MED12L: variants seen among roughly 807,000 people sequenced by gnomAD.
MED12L encodes the protein mediator of RNA polymerase II transcription subunit 12-like protein.
A neutral mutation model predicts 281.3 loss-of-function variants in MED12L; 60 were observed. The ratio of observed to expected loss-of-function variants is 0.21; its 90% confidence interval spans 0.17 to 0.26. The LOEUF is 0.26. MED12L is among the 10% of genes least tolerant of loss of function. The pLI, the probability that MED12L is intolerant of heterozygous loss-of-function variation, is 1.00. For synonymous variants in MED12L, 974 were observed against 987.2 expected, an observed-to-expected ratio of 0.99 and a Z score of 0.25; for missense variants, 2,146 against 2,680.9, an observed-to-expected ratio of 0.80 and a Z score of 4.41.
intron 6 of MED12L, 94 bp from the exon 7 acceptor site, chr3:151,158,595 A>G: frequency 2.8e-6 from 2 of 721,350 alleles, no homozygotes. Context: ...CAACAAAAAC[A>G]GTAGTACAGT....
At chr3:151,369,199 T>C (rs2107983337) in intron 25 of MED12L, among the ~76,000 whole-genome samples, 1 of 152,358 alleles carries the variant, frequency 6.6e-6, no homozygotes, top group Admixed American at 6.5e-5. Context: ...AAGGTCCTAC[T>C]AATCTTGTTG....
At chr3:151,246,344 G>A (rs1431220402) in intron 16 of MED12L, among the ~76,000 whole-genome samples, 2 of 152,010 alleles carry the variant, frequency 1.3e-5, no homozygotes, top group Non-Finnish European at 2.9e-5. Flanking sequence ...CAAAGCTGGA[G>A]GCATCACGCT....
Position 151,085,819 on chromosome 3 carries a change from G to T in MED12L, c.-247G>T. ...TCCCGGAGCTCGTCCGGGCGAGGCAGATACCGCACAAATAAAATCAAATCC... is the reference window on the plus strand; with the variant it reads ...TCCCGGAGCTCGTCCGGGCGAGGCATATACCGCACAAATAAAATCAAATCC... On this transcript the variant is annotated 5_prime_UTR_variant, in exon 1 of 45. Coordinates refer to ENST00000687756, the MANE Select transcript of MED12L (RefSeq NM_001393769.1). 1 of 152,104 alleles carries T rather than the reference G, an allele frequency of 6.6e-6. No individual in the cohort carries two copies. Among genetic ancestry groups the T allele is most frequent in the East Asian group, 1.9e-4 (1 of 5,136 alleles). 9.4% of individuals were successfully genotyped at this position (152,104 alleles called of 1,614,324 possible).
intron 3 of MED12L, among the ~76,000 whole-genome samples, chr3:151,118,377 C>T (rs1238231692): frequency 6.6e-6 from 1 of 151,348 alleles, no homozygotes; most frequent in African/African-American, 2.4e-5. Context: ...TGAAATATTA[C>T]TTAAGCAGTG....
At chr3:151,386,421 G>A (rs980713173) in intron 36 of MED12L, among the ~76,000 whole-genome samples, 9 of 152,000 alleles carry the variant, frequency 5.9e-5, no homozygotes, top group African/African-American at 1.9e-4. Flanking sequence ...ATGGAATCTC[G>A]CTCTGTCGCC....
intron 21 of MED12L, among the ~76,000 whole-genome samples, chr3:151,363,381 TTGTG>T (rs1473029959): frequency 6.6e-6 from 1 of 152,144 alleles, no homozygotes; most frequent in Non-Finnish European, 1.5e-5. Context: ...ATTCATAAAG[TTGTG>T]TGAGAGGAGT....
rs769271184 is a variant in MED12L, at chr3:151,411,496, T to A, written c.6129T>A (p.Thr2043=). 1 of 1,614,172 alleles carries A rather than the reference T, an allele frequency of 6.2e-7. No individual in the cohort carries two copies. The highest frequency in any genetic ancestry group is 1.1e-5 in the South Asian group (1 of 91,084). Residue 2043 remains threonine (T), a synonymous_variant, in exon 41 of 45, where the codon ACT becomes ACA. Transcript: ENST00000687756. ...CCTCGCCGTACCTGCAGCCCCTGAC[T>A]GGCTCTCAGAGGTGATACATGTGGA... ...QQASPYLQPL[T]GSQRLNHQAL...
chr3:151,256,337 C>T (rs1288372215), intron 16 of MED12L, among the ~76,000 whole-genome samples: 3 of 152,142 alleles, frequency 2.0e-5, no homozygotes. Flanking sequence ...ACATTTTTGC[C>T]TCAACATGCC....
intron 20 of MED12L, among the ~76,000 whole-genome samples, chr3:151,359,187 T>C (rs556943989): frequency 3.9e-5 from 6 of 152,298 alleles, no homozygotes; most frequent in Admixed American, 3.9e-4. Flanking sequence ...TGCTTGGCTT[T>C]CTGTTTCTGC....
rs1423589628 is a variant in MED12L at position 151,122,905 on chromosome 3, C to T, written c.327C>T (p.Ser109=). 4.3e-6 allele frequency: 7 copies of T among 1,612,758 alleles called. No individual in the cohort carries two copies. In the African/African-American group the frequency reaches 6.7e-5, roughly 15 times the overall value. The change falls in exon 4 of 45, where the codon TCC becomes TCT. Residue 109 remains serine, a synonymous_variant. Coordinates refer to ENST00000687756, the MANE Select transcript of MED12L (RefSeq NM_001393769.1). ...ATTATTGGCTGGTTACTGCTCGATC[C>T]CAGAGTGCAATTCATAGTTGGTTTT... is the stretch of plus-strand genomic sequence containing the variant. ...KDNYWLVTAR[S]QSAIHSWFSD...
At chr3:151,098,903 C>T (rs990234544) in intron 2 of MED12L, among the ~76,000 whole-genome samples, 1 of 152,136 alleles carries the variant, frequency 6.6e-6, no homozygotes, top group Non-Finnish European at 1.5e-5. Context: ...ACTCGCAGTT[C>T]CATGTGGCTG....
At chr3:151,176,097 A>G (rs963193638) in intron 11 of MED12L, among the ~76,000 whole-genome samples, 1 of 151,878 alleles carries the variant, frequency 6.6e-6, no homozygotes, top group Non-Finnish European at 1.5e-5. Context: ...CCCCTGTCCC[A>G]CTCCCCTGCC....
intron 16 of MED12L, among the ~76,000 whole-genome samples, chr3:151,197,373 A>C (rs1448720391): frequency 6.6e-6 from 1 of 152,154 alleles, no homozygotes; most frequent in Non-Finnish European, 1.5e-5. Context: ...CATGTGGGCC[A>C]GGCTAATCTC....
chr3:151,373,304 G>C (rs1482648979), intron 27 of MED12L, among the ~76,000 whole-genome samples: 1 of 152,108 alleles, frequency 6.6e-6, no homozygotes, highest in Non-Finnish European at 1.5e-5. Flanking sequence ...ATGTCTGAAG[G>C]CATGTGATGT....
chr3:151,399,771 A>G (rs764729784), intron 39 of MED12L, among the ~76,000 whole-genome samples: 6 of 150,894 alleles, frequency 4.0e-5, no homozygotes, highest in Non-Finnish European at 8.8e-5. Flanking sequence ...CATCCCCCTC[A>G]CTCTATCGAT....
In MED12L at chr3:151,350,006, T is replaced by G. The variant is rs112557085; in HGVS notation, c.2251-53T>G. 1.5e-5 allele frequency: 24 copies of G among 1,571,920 alleles called. 1 individual carries two copies. In the South Asian group the frequency reaches 2.6e-4, roughly 17 times the overall value. On this transcript the variant is annotated intron_variant, in intron 16 of 44. Coordinates refer to ENST00000687756, the MANE Select transcript of MED12L (RefSeq NM_001393769.1). ...GTCAGTGCATTTCAGGGATATGAAATGCAACCCCACCCCTGCAGACAAGAG... is the reference window on the plus strand; with the variant it reads ...GTCAGTGCATTTCAGGGATATGAAAGGCAACCCCACCCCTGCAGACAAGAG...
chr3:151,151,750 A>G (rs1718553315), intron 5 of MED12L, among the ~76,000 whole-genome samples: 1 of 152,208 alleles, frequency 6.6e-6, no homozygotes, highest in Non-Finnish European at 1.5e-5. Flanking sequence ...ACAGATCACC[A>G]TAACAGACAT....
At chr3:151,192,084 A>G (rs1443278566) in intron 14 of MED12L, among the ~76,000 whole-genome samples, 1 of 152,202 alleles carries the variant, frequency 6.6e-6, no homozygotes, top group African/African-American at 2.4e-5. Context: ...ATATTTAAAC[A>G]TTTGTCTTAA....
intron 5 of MED12L, 22 bp downstream of exon 5, chr3:151,128,006 A>C (rs773959440): frequency 6.3e-7 from 1 of 1,592,958 alleles, no homozygotes; most frequent in Non-Finnish European, 8.6e-7. Flanking sequence ...AATACAATAC[A>C]CCTTACATTT....
Sources: gnomAD v4.1 joint callset for allele counts (sites outside exome capture counted in the v4.1 genomes callset) on GRCh38, gnomAD v4.1.1 for gene constraint, MANE v1.5 for transcripts, NCBI Gene and HGNC (gene_info 2026-07-23, HGNC 2026-07-21) for gene names.